The following RAD54L2 variants were observed in gnomAD, a reference collection of about 807,000 sequenced individuals.
RAD54L2 encodes the protein helicase ARIP4.
Under a neutral mutation model 138.4 loss-of-function variants are expected in RAD54L2, and 27 were observed. The observed-to-expected ratio is 0.20, with a 90% CI of 0.14 to 0.27. The LOEUF (loss-of-function observed/expected upper bound fraction) is 0.27. Ranked by LOEUF, RAD54L2 falls within the 10% of genes least tolerant of loss-of-function variation. RAD54L2 has a pLI of 1.00. For missense variants in RAD54L2, 1,396 were observed against 1,890.2 expected, an observed-to-expected ratio of 0.74 and a Z score of 4.85; for synonymous variants, 644 against 723.2, an observed-to-expected ratio of 0.89 and a Z score of 1.76.
chr3:51,574,010 A>G (rs182620832), intron 2 of RAD54L2, among the ~76,000 whole-genome samples: 749 of 63,418 alleles, frequency 0.012, 6 homozygotes, highest in African/African-American at 0.044. Context: ...CCCACCCCAC[A>G]ATAGGCCCCG....
At chr3:51,622,931 A>C (rs1390124063) in intron 3 of RAD54L2, among the ~76,000 whole-genome samples, 1 of 152,194 alleles carries the variant, frequency 6.6e-6, no homozygotes, top group African/African-American at 2.4e-5. Context: ...CGCTCTTCCC[A>C]AGGAAGCGCC....
At chr3:51,607,254 G>GCCTT (rs1192004758) in intron 3 of RAD54L2, among the ~76,000 whole-genome samples, 1 of 151,552 alleles carries the variant, frequency 6.6e-6, no homozygotes. Flanking sequence ...GGGCCCTGCC[G>GCCTT]CCTTCCGCAG....
intron 4 of RAD54L2, 113 bp downstream of exon 4, chr3:51,627,867 G>A (rs1700729687): frequency 8.2e-7 from 1 of 1,212,402 alleles, no homozygotes; most frequent in Non-Finnish European, 1.2e-6. Flanking sequence ...CTCTCCAAAG[G>A]AGAAAAGTGT....
At position 51,571,312 on chromosome 3, in the gene RAD54L2, G is replaced by C. The variant is rs143929861; in HGVS notation, c.-54-19055G>C. ...AATATTTCCTGACCATAAGGTCCTT[G>C]TATGAATTATTTTGGTCTTTGTACC... is the stretch of plus-strand genomic sequence containing the variant. On this transcript the variant is annotated intron_variant, in intron 2 of 22. Coordinates refer to ENST00000684192, the MANE Select transcript of RAD54L2 (RefSeq NM_015106.4). 2.7e-5 allele frequency among the ~76,000 whole-genome samples: 4 copies of C among 148,132 alleles called. No individual in the cohort carries two copies. The East Asian group carries it at 7.9e-4, about 29-fold the overall frequency.
intron 20 of RAD54L2, 62 bp from the exon 21 acceptor site, chr3:51,657,517 AT>A: frequency 1.7e-6 from 2 of 1,171,266 alleles, no homozygotes; most frequent in Non-Finnish European, 2.5e-6. Flanking sequence ...GGACTTTGCA[AT>A]TTTCCCCCCT....
intron 2 of RAD54L2, among the ~76,000 whole-genome samples, chr3:51,582,516 T>C (rs1259439285): frequency 6.6e-6 from 1 of 151,926 alleles, no homozygotes; most frequent in Non-Finnish European, 1.5e-5. Flanking sequence ...TTCTCATAGC[T>C]CAAACTGTCA....
At chr3:51,552,561 C>CT (rs58505964) in intron 2 of RAD54L2, among the ~76,000 whole-genome samples, 3,454 of 106,698 alleles carry the variant, frequency 0.032, 275 homozygotes, top group African/African-American at 0.053. Context: ...TGCGCCTGGC[C>CT]TTTTTTTTTT....
At chr3:51,545,896 G>A (rs1698679879) in intron 2 of RAD54L2, among the ~76,000 whole-genome samples, 1 of 150,988 alleles carries the variant, frequency 6.6e-6, no homozygotes, top group African/African-American at 2.4e-5. Context: ...ACTGAAGGCT[G>A]GGTGTTAGGA....
intron 3 of RAD54L2, among the ~76,000 whole-genome samples, chr3:51,624,007 T>C (rs1253897917): frequency 1.4e-5 from 2 of 147,056 alleles, no homozygotes; most frequent in African/African-American, 2.5e-5. Flanking sequence ...AAAAAGAATT[T>C]AGGGGAGCAA....
intron 2 of RAD54L2, among the ~76,000 whole-genome samples, chr3:51,587,324 G>A: frequency 6.6e-6 from 1 of 151,788 alleles, no homozygotes. Flanking sequence ...GGATGGTTTT[G>A]ATCTCCTGAC....
chr3:51,627,821 C>A, intron 4 of RAD54L2, 67 bp downstream of exon 4: 1 of 1,544,776 alleles, frequency 6.5e-7, no homozygotes, highest in Non-Finnish European at 8.9e-7. Context: ...TTAAGGCTGT[C>A]AATAGCAAAA....
chr3:51,558,929 A>G (rs1015717120), intron 2 of RAD54L2, among the ~76,000 whole-genome samples: 1 of 152,186 alleles, frequency 6.6e-6, no homozygotes, highest in Admixed American at 6.5e-5. Flanking sequence ...GCTGGAGTGC[A>G]GTGGCATGAT....
chr3:51,599,317 A>T (rs887079952), intron 3 of RAD54L2, among the ~76,000 whole-genome samples: 2 of 152,178 alleles, frequency 1.3e-5, no homozygotes, highest in Non-Finnish European at 2.9e-5. Context: ...ATTTATATTA[A>T]AAGTCTAGAA....
rs1045538184 is a variant in RAD54L2 at position 51,666,840 on chromosome 3, A to G, written c.*3420A>G. ...TGTGTGGAGTCTCTATATGCTTGTG[A>G]TCCTTGGAGCTCTCTTCCCTAGGAA... On this transcript the variant is annotated 3_prime_UTR_variant, in exon 23 of 23. Transcript: ENST00000684192. 1 of 151,864 alleles carries G rather than the reference A, an allele frequency of 6.6e-6. No individual in the cohort carries two copies. The highest frequency in any genetic ancestry group is 2.4e-5 in the African/African-American group (1 of 41,248). 9.4% of individuals were successfully genotyped at this position (151,864 alleles called of 1,614,324 possible).
chr3:51,642,815 A>G (rs377641787), intron 15 of RAD54L2, among the ~76,000 whole-genome samples: 3 of 152,122 alleles, frequency 2.0e-5, no homozygotes, highest in Admixed American at 6.5e-5. Context: ...AGCTTGCCCT[A>G]TGAATCAGTG....
At chr3:51,624,605 C>T (rs1577434018) in intron 3 of RAD54L2, among the ~76,000 whole-genome samples, 1 of 152,160 alleles carries the variant, frequency 6.6e-6, no homozygotes, top group East Asian at 1.9e-4. Context: ...CACCACAACC[C>T]TTAGAGGTTA....
Position 51,665,325 on chromosome 3 carries a change from G to A in RAD54L2, c.*1905G>A, listed in dbSNP as rs1701889767. 6.6e-6 allele frequency: 1 copy of A among 152,198 alleles called. No homozygotes were observed. Among genetic ancestry groups the A allele is most frequent in the Admixed American group, 6.5e-5 (1 of 15,278 alleles). 9.4% of individuals were successfully genotyped at this position (152,198 alleles called of 1,614,324 possible). A position where few individuals can be genotyped will look rare whatever the true frequency, so the allele number is the denominator to read the frequency against. On this transcript the variant is annotated 3_prime_UTR_variant, in exon 23 of 23. Coordinates refer to ENST00000684192, the MANE Select transcript of RAD54L2 (RefSeq NM_015106.4). ...AAGGCAGCTTAGTCAGGTCATCCCA[G>A]TAGTAGCTCCTACAGCTCTTCTGAC...
At chr3:51,612,632 T>TATAA (rs1256891803) in intron 3 of RAD54L2, among the ~76,000 whole-genome samples, 1 of 152,166 alleles carries the variant, frequency 6.6e-6, no homozygotes. Context: ...ATACTTATGT[T>TATAA]GTTAGTAACA....
intron 8 of RAD54L2, 44 bp downstream of exon 8, chr3:51,633,803 G>T (rs997408741): frequency 6.2e-7 from 1 of 1,610,098 alleles, no homozygotes; most frequent in Admixed American, 1.7e-5. Context: ...CTCCTGAAGA[G>T]CTCTGTGTTA....
Sources: gnomAD v4.1 joint callset for allele counts (sites outside exome capture counted in the v4.1 genomes callset) on GRCh38, gnomAD v4.1.1 for gene constraint, MANE v1.5 for transcripts, NCBI Gene and HGNC (gene_info 2026-07-23, HGNC 2026-07-21) for gene names.